The following CLVS1 variants were observed in gnomAD, a reference collection of about 807,000 sequenced individuals.
CLVS1 encodes the protein clavesin-1.
Under a neutral mutation model 33.1 loss-of-function variants are expected in CLVS1, and 10 were observed. The observed-to-expected ratio is 0.30, with a 90% CI of 0.19 to 0.51. CLVS1 has a LOEUF of 0.51. CLVS1 is among the 20% of genes least tolerant of loss of function. The pLI, the probability that CLVS1 is intolerant of heterozygous loss-of-function variation, is 0.97. For synonymous variants in CLVS1, 163 were observed against 166.1 expected (o/e 0.98, Z 0.14); for missense variants, 343 against 433.4 (o/e 0.79, Z 1.85).
At chr8:61,205,230 C>T (rs1264144217) in intron 2 of CLVS1, among the ~76,000 whole-genome samples, 1 of 152,122 alleles carries the variant, frequency 6.6e-6, no homozygotes, top group Non-Finnish European at 1.5e-5. Flanking sequence ...GCAATGATCA[C>T]CACTGTTCAT....
At chr8:61,472,787 A>T (rs1817776277) in intron 5 of CLVS1, among the ~76,000 whole-genome samples, 2 of 152,198 alleles carry the variant, frequency 1.3e-5, no homozygotes, top group South Asian at 4.1e-4. Flanking sequence ...GTGTGACCTG[A>T]GTAGCTACCT....
At chr8:61,271,821 G>A (rs1379576618) in intron 2 of CLVS1, among the ~76,000 whole-genome samples, 3 of 149,824 alleles carry the variant, frequency 2.0e-5, no homozygotes, top group Non-Finnish European at 4.4e-5. Flanking sequence ...TGTTTTATCA[G>A]AGACTAGGAT....
intron 2 of CLVS1, among the ~76,000 whole-genome samples, chr8:61,201,368 T>G (rs1807728661): frequency 6.6e-6 from 1 of 152,108 alleles, no homozygotes; most frequent in Non-Finnish European, 1.5e-5. Context: ...GGAAATGCAT[T>G]TCCCGAAGCT....
intron 2 of CLVS1, among the ~76,000 whole-genome samples, chr8:61,190,552 A>G (rs1407694855): frequency 6.6e-6 from 1 of 152,218 alleles, no homozygotes; most frequent in Non-Finnish European, 1.5e-5. Flanking sequence ...TTGGGGACAC[A>G]AACATCCCTT....
chr8:61,499,546 C>CTGAG lies in CLVS1; in HGVS notation c.*6_*9dup, dbSNP rs1408552253. ...GCCACTCCTGGCTCTGGACTGAACC[C>CTGAG]TGAGTCACCCCAATGCTCCTGCACA... On this transcript the variant is annotated 3_prime_UTR_variant, in exon 6 of 6. Transcript: ENST00000325897. 1.9e-6 allele frequency: 3 copies of CTGAG among 1,611,440 alleles called. No homozygotes were observed. The highest frequency in any genetic ancestry group is 3.3e-5 in the Admixed American group (2 of 59,970).
intron 5 of CLVS1, among the ~76,000 whole-genome samples, chr8:61,462,003 T>TATAATCCCATA: frequency 6.6e-6 from 1 of 152,240 alleles, no homozygotes; most frequent in South Asian, 2.1e-4. Context: ...ATCTGGGTTT[T>TATAATCCCATA]ATAAGGATCA....
At chr8:61,104,303 A>T (rs1180169529) in intron 1 of CLVS1, among the ~76,000 whole-genome samples, 1 of 152,222 alleles carries the variant, frequency 6.6e-6, no homozygotes, top group Admixed American at 6.5e-5. Context: ...AACTTCAAAG[A>T]CCTTGAGCTG....
chr8:61,283,176 T>C (rs898497365), upstream of CLVS1, among the ~76,000 whole-genome samples: 9 of 152,244 alleles, frequency 5.9e-5, no homozygotes, highest in African/African-American at 1.9e-4. Context: ...CTAATATCAG[T>C]TAATGAGCTC....
At position 61,171,750 on chromosome 8, in the gene CLVS1, A is replaced by T. The variant is rs566522613; in HGVS notation, c.-152+39890A>T. Among the ~76,000 whole-genome samples, 4 of 152,352 alleles carry T rather than the reference A, an allele frequency of 2.6e-5. No individual in the cohort carries two copies. In the South Asian group the frequency reaches 8.3e-4, roughly 32 times the overall value. ...CTATACATCTTTAATTTTAGCTGGG[A>T]CAGCTAAGTATATCCACATTAAAAA... On this transcript the variant is annotated intron_variant, in intron 2 of 2. Transcript: ENST00000522621.
chr8:61,415,834 C>G (rs567262944), intron 3 of CLVS1, among the ~76,000 whole-genome samples: 2 of 152,162 alleles, frequency 1.3e-5, no homozygotes, highest in South Asian at 4.2e-4. Context: ...GATCCACTGA[C>G]GGATAGGAAG....
At chr8:61,174,337 G>A (rs1807069437) in intron 2 of CLVS1, among the ~76,000 whole-genome samples, 1 of 152,154 alleles carries the variant, frequency 6.6e-6, no homozygotes, top group Non-Finnish European at 1.5e-5. Flanking sequence ...TAAGTCATAA[G>A]AGGAAGGAGA....
At chr8:61,049,980 G>A in the CLVS1 span, among the ~76,000 whole-genome samples, 2 of 152,334 alleles carry the variant, frequency 1.3e-5, no homozygotes, top group South Asian at 4.1e-4. Flanking sequence ...GGGCACTAAT[G>A]TATACGGTGC....
intron 2 of CLVS1, among the ~76,000 whole-genome samples, chr8:61,151,389 A>G (rs1301131272): frequency 1.3e-5 from 2 of 152,206 alleles, no homozygotes; most frequent in Non-Finnish European, 1.5e-5. Flanking sequence ...CCTATGAAGT[A>G]TATATTCTCC....
intron 2 of CLVS1, among the ~76,000 whole-genome samples, chr8:61,209,527 G>C (rs966242073): frequency 3.3e-5 from 5 of 152,210 alleles, no homozygotes; most frequent in African/African-American, 1.2e-4. Context: ...TTGCCTGATT[G>C]AGGCAGAGGC....
At chr8:61,472,577 G>A (rs1563568469) in intron 5 of CLVS1, among the ~76,000 whole-genome samples, 1 of 152,048 alleles carries the variant, frequency 6.6e-6, no homozygotes, top group Non-Finnish European at 1.5e-5. Context: ...TTGTCTCTAA[G>A]GTTATCAGTA....
the CLVS1 span, among the ~76,000 whole-genome samples, chr8:61,033,155 G>A: frequency 3.0e-5 from 4 of 131,848 alleles, no homozygotes; most frequent in Middle Eastern, 3.7e-3. Flanking sequence ...AAGAAAGAAA[G>A]AAAGAAAAAG....
At chr8:61,270,350 C>T (rs569068551) in intron 2 of CLVS1, among the ~76,000 whole-genome samples, 1 of 152,300 alleles carries the variant, frequency 6.6e-6, no homozygotes, top group South Asian at 2.1e-4. Context: ...AGCCTTGCAT[C>T]CAAGGGATGA....
chr8:61,223,312 G>C (rs530237079), intron 2 of CLVS1, among the ~76,000 whole-genome samples: 2 of 152,142 alleles, frequency 1.3e-5, no homozygotes, highest in African/African-American at 2.4e-5. Flanking sequence ...GCAGTGTCTG[G>C]TACCGGTTTT....
At chr8:60,976,073 T>C in the CLVS1 span, among the ~76,000 whole-genome samples, 1 of 152,224 alleles carries the variant, frequency 6.6e-6, no homozygotes, top group African/African-American at 2.4e-5. Flanking sequence ...GGTACCTCAT[T>C]GAGTGCCATC....
Sources: allele counts gnomAD v4.1 joint callset (sites outside exome capture counted in the v4.1 genomes callset), GRCh38; gene constraint gnomAD v4.1.1; transcripts MANE v1.5; gene names NCBI Gene and HGNC (gene_info 2026-07-23, HGNC 2026-07-21).